ADAM19: variants seen among roughly 807,000 people sequenced by gnomAD.
ADAM19 encodes the protein ADAM metallopeptidase domain 19, also known as disintegrin and metalloproteinase domain-containing protein 19.
In ADAM19, 65 loss-of-function variants were observed where a neutral mutation model predicts 114.7. The observed-to-expected ratio is 0.57, with a 90% CI of 0.46 to 0.70. The LOEUF is 0.70. Among genes scored for constraint, ADAM19 ranks in the 30% least tolerant of loss-of-function variants. ADAM19 has a pLI of 0.00. For synonymous variants in ADAM19, 466 were observed against 460.5 expected, an observed-to-expected ratio of 1.01 and a Z score of -0.15; for missense variants, 1,063 against 1,204.7, an observed-to-expected ratio of 0.88 and a Z score of 1.74.
chr5:157,564,534 T>C (rs1448052076), intron 2 of ADAM19, 91 bp from the exon 3 acceptor site: 1 of 1,068,780 alleles, frequency 9.4e-7, no homozygotes, highest in African/African-American at 1.6e-5. Flanking sequence ...GCTCCAACAT[T>C]GATCCACAGG....
At chr5:157,537,601 C>T (rs1441165388) in intron 4 of ADAM19, among the ~76,000 whole-genome samples, 1 of 152,202 alleles carries the variant, frequency 6.6e-6, no homozygotes, top group African/African-American at 2.4e-5. Flanking sequence ...TTTACTAAAA[C>T]TTTTGTTAAC....
At chr5:157,520,276 A>T (rs964960156) in intron 5 of ADAM19, among the ~76,000 whole-genome samples, 1 of 147,424 alleles carries the variant, frequency 6.8e-6, no homozygotes, top group Non-Finnish European at 1.5e-5. Context: ...CTCCACCCCA[A>T]CCCCCACCCC....
Position 157,509,477 on chromosome 5 carries a change from C to T in ADAM19, c.739-10G>A, listed in dbSNP as rs767287245. ...TCAAGGATCGGTAAAACTGAAAGGA[C>T]ACAGAAAAACCACAGTATCTGTCAA... is the stretch of plus-strand genomic sequence containing the variant. On this transcript the variant is annotated splice_polypyrimidine_tract_variant and intron_variant, in intron 8 of 22. Transcript: ENST00000257527. 4 of 1,570,710 alleles carry T rather than the reference C, an allele frequency of 2.5e-6. No individual in the cohort carries two copies. In the South Asian group the frequency reaches 4.8e-5, roughly 19 times the overall value.
In ADAM19 at chr5:157,495,253, G is replaced by A. The variant is rs531714874; in HGVS notation, c.1595-458C>T. 1.9e-3 allele frequency among the ~76,000 whole-genome samples: 292 copies of A among 151,968 alleles called. 3 individuals carry two copies. Among genetic ancestry groups the A allele is most frequent in the East Asian group, 3.9e-4 (2 of 5,148 alleles). Reference sequence around the variant, plus strand: ...CCTGACCTCATGATCCCCCCGCCTCGGCCTCCCAAAGTGCTGGGATTACAG... The same window carrying A: ...CCTGACCTCATGATCCCCCCGCCTCAGCCTCCCAAAGTGCTGGGATTACAG... On this transcript the variant is annotated intron_variant, in intron 14 of 22. Coordinates refer to ENST00000257527, the MANE Select transcript of ADAM19 (RefSeq NM_033274.5).
Position 157,491,729 on chromosome 5 carries a change from G to A in ADAM19, c.1987-6C>T, listed in dbSNP as rs1755168937. 6.2e-7 allele frequency: 1 copy of A among 1,600,332 alleles called. No individual in the cohort carries two copies. The highest frequency in any genetic ancestry group is 1.3e-5 in the African/African-American group (1 of 74,638). ...TTCTGGTTGTTGTTACAGACCTGGA[G>A]CAAAGAAAGGGCAGAGGCATCAGCA... On this transcript the variant is annotated splice_polypyrimidine_tract_variant and splice_region_variant and intron_variant, in intron 17 of 22. Coordinates refer to ENST00000257527, the MANE Select transcript of ADAM19 (RefSeq NM_033274.5).
At chr5:157,514,098 T>C (rs1756016731) in intron 7 of ADAM19, among the ~76,000 whole-genome samples, 1 of 152,146 alleles carries the variant, frequency 6.6e-6, no homozygotes, top group Non-Finnish European at 1.5e-5. Context: ...TGACAGACCC[T>C]GTACTTAAGG....
chr5:157,570,642 A>G (rs953796561), intron 2 of ADAM19: 4 of 411,224 alleles, frequency 9.7e-6, no homozygotes, highest in African/African-American at 8.0e-5. Context: ...ACACCAACAC[A>G]TCTGCACTTA....
intron 9 of ADAM19, among the ~76,000 whole-genome samples, chr5:157,507,927 C>T (rs1401938769): frequency 2.6e-5 from 4 of 152,170 alleles, no homozygotes; most frequent in Non-Finnish European, 5.9e-5. Flanking sequence ...GTACTTATCT[C>T]CACGTTTGTC....
At chr5:157,505,269 C>G (rs191420765) in intron 11 of ADAM19, among the ~76,000 whole-genome samples, 2 of 152,114 alleles carry the variant, frequency 1.3e-5, no homozygotes, top group African/African-American at 4.8e-5. Flanking sequence ...TCTGTTACAT[C>G]GGAGCTTTCA....
chr5:157,558,241 A>G (rs1045610537), intron 3 of ADAM19, among the ~76,000 whole-genome samples: 16 of 152,202 alleles, frequency 1.1e-4, no homozygotes, highest in Admixed American at 1.0e-3. Flanking sequence ...AATTTCAGAC[A>G]CCACAGGCAG....
rs1380227337 is a variant in ADAM19, at chr5:157,481,947, G to T, written c.2551-4C>A. The T allele has an allele frequency of 6.3e-7, 1 of 1,586,276 alleles. No homozygotes were observed. ...GCGGCCGAGGCCTGGAGAAGTCCTGGAGAGAAAGCAATAAGCCTCACTTGA... is the reference window on the plus strand; with the variant it reads ...GCGGCCGAGGCCTGGAGAAGTCCTGTAGAGAAAGCAATAAGCCTCACTTGA... On this transcript the variant is annotated splice_region_variant and splice_polypyrimidine_tract_variant and intron_variant, in intron 21 of 22. Transcript: ENST00000257527.
At position 157,479,802 on chromosome 5, in the gene ADAM19, G is replaced by A. The variant is rs113411845; in HGVS notation, c.*1147C>T. ...GTCTGTTCTCTGCTCAGAGGGCAAC[G>A]GTCCAGCCCGAAGTCAATGACCAGC... On this transcript the variant is annotated 3_prime_UTR_variant, in exon 23 of 23. Coordinates refer to ENST00000257527, the MANE Select transcript of ADAM19 (RefSeq NM_033274.5). 271 of 985,516 alleles carry A rather than the reference G, an allele frequency of 2.7e-4. No individual in the cohort carries two copies. In the Middle Eastern group the frequency reaches 3.1e-3, roughly 11 times the overall value. The allele number at this position is 985,516 out of a possible 1,614,324, so 61.0% of individuals were successfully genotyped here.
At chr5:157,530,501 T>A (rs1419609342) in intron 5 of ADAM19, among the ~76,000 whole-genome samples, 1 of 152,202 alleles carries the variant, frequency 6.6e-6, no homozygotes, top group Non-Finnish European at 1.5e-5. Flanking sequence ...CCCCTCCCTT[T>A]TCTGTGAGTA....
chr5:157,505,854 G>A, intron 10 of ADAM19, 46 bp from the exon 11 acceptor site: 1 of 1,588,986 alleles, frequency 6.3e-7, no homozygotes, highest in East Asian at 2.3e-5. Flanking sequence ...GGACAGATCT[G>A]CCTCTGCCCC....
intron 4 of ADAM19, among the ~76,000 whole-genome samples, chr5:157,535,609 G>A (rs1369640825): frequency 6.6e-6 from 1 of 152,236 alleles, no homozygotes; most frequent in Non-Finnish European, 1.5e-5. Context: ...CTTCTGGAAG[G>A]AGGGGATTCT....
chr5:157,547,558 C>A (rs184223531), intron 3 of ADAM19, among the ~76,000 whole-genome samples: 2 of 152,316 alleles, frequency 1.3e-5, no homozygotes, highest in African/African-American at 4.8e-5. Context: ...GACGCTGATA[C>A]CTTGATGTTG....
intron 3 of ADAM19, among the ~76,000 whole-genome samples, chr5:157,540,041 C>T (rs896567686): frequency 2.0e-5 from 3 of 152,156 alleles, no homozygotes; most frequent in Admixed American, 1.3e-4. Context: ...CCTTTGTTTC[C>T]TCTTACACAA....
Position 157,497,062 on chromosome 5 carries a change from C to T in ADAM19, c.1426G>A (p.Glu476Lys), listed in dbSNP as rs781112206. 17 of 1,542,540 alleles carry T rather than the reference C, an allele frequency of 1.1e-5. No individual in the cohort carries two copies. The highest frequency in any genetic ancestry group is 2.5e-5 in the South Asian group (2 of 80,142). ...KLLAPGTLCREQARQCDLPEF... is the reference protein window; with the variant it reads ...KLLAPGTLCRKQARQCDLPEF... ...GGGAGGTCACACTGCCTGGCCTGCT[C>T]GCGGCACAGGGTCCCAGGAGCCAAC... Residue 476 changes from glutamate to lysine, a missense_variant, in exon 14 of 23, where the codon GAG (glutamate) becomes AAG (lysine). By Grantham distance (56) the Glu-to-Lys change is moderately conservative. Transcript: ENST00000257527.
intron 2 of ADAM19, among the ~76,000 whole-genome samples, chr5:157,569,402 G>A (rs1757762255): frequency 7.0e-6 from 1 of 143,044 alleles, no homozygotes; most frequent in African/African-American, 2.6e-5. Context: ...ACACCCCTAG[G>A]TCTAGCTAAT....
Sources: gnomAD v4.1 joint callset for allele counts (sites outside exome capture counted in the v4.1 genomes callset) on GRCh38, gnomAD v4.1.1 for gene constraint, MANE v1.5 for transcripts, NCBI Gene and HGNC (gene_info 2026-07-23, HGNC 2026-07-21) for gene names.